The following TET1 variants were observed in gnomAD, a reference collection of about 807,000 sequenced individuals.
TET1 encodes methylcytosine dioxygenase TET1.
TET1 carries 13 observed loss-of-function variants against 148.7 expected under a neutral mutation model. That is an observed-to-expected ratio of 0.09 (90% CI 0.06 to 0.14). TET1 has a LOEUF of 0.14. Among genes scored for constraint, TET1 ranks in the 10% least tolerant of loss-of-function variants. TET1 has a pLI of 1.00. For synonymous variants in TET1, 907 were observed against 937.2 expected, an observed-to-expected ratio of 0.97 and a Z score of 0.59; for missense variants, 2,182 against 2,553.8, an observed-to-expected ratio of 0.85 and a Z score of 3.14.
chr10:68,603,098 T>C (rs976191775), intron 3 of TET1, among the ~76,000 whole-genome samples: 2 of 152,162 alleles, frequency 1.3e-5, no homozygotes, highest in African/African-American at 2.4e-5. Context: ...ACTTCAACAT[T>C]CTAGGAGCAT....
rs771275404 is a variant in TET1, at chr10:68,572,556, T to G, written c.218T>G (p.Leu73Arg). 1 of 1,614,088 alleles carries G rather than the reference T, an allele frequency of 6.2e-7. No individual in the cohort carries two copies. Among genetic ancestry groups the G allele is most frequent in the East Asian group, 2.2e-5 (1 of 44,882 alleles). Residue 73 changes from leucine to arginine, a missense_variant, in exon 2 of 12, where the codon CTT (leucine) becomes CGT (arginine). Coordinates refer to ENST00000373644, the MANE Select transcript of TET1 (RefSeq NM_030625.3). ...EPKPPVPVRS[L>R]LTRAGAARMN... is the part of the protein sequence containing the mutation. ...AAACCACCCGTGCCAGTCAGAAGCC[T>G]TCTGACAAGAGCTGGAGCAGCACGC...
chr10:68,625,737 A>T (rs1407197064), intron 3 of TET1, among the ~76,000 whole-genome samples: 2 of 152,136 alleles, frequency 1.3e-5, no homozygotes, highest in Non-Finnish European at 2.9e-5. Context: ...TGGAATTCAT[A>T]CTATTGAAGT....
chr10:68,618,841 G>A (rs1589081225), intron 3 of TET1, among the ~76,000 whole-genome samples: 1 of 152,102 alleles, frequency 6.6e-6, no homozygotes. Flanking sequence ...GGTAGCAAAT[G>A]GTGTCATCTC....
chr10:68,600,074 T>C (rs1302157357), intron 2 of TET1, among the ~76,000 whole-genome samples: 1 of 152,194 alleles, frequency 6.6e-6, no homozygotes, highest in African/African-American at 2.4e-5. Flanking sequence ...TCCTGAGGAA[T>C]GAGACACGCA....
At chr10:68,681,880 A>G (rs2055438535) in intron 9 of TET1, among the ~76,000 whole-genome samples, 1 of 150,898 alleles carries the variant, frequency 6.6e-6, no homozygotes, top group South Asian at 2.1e-4. Context: ...AGGCAGGAGA[A>G]TCACTTGAAC....
In TET1 at chr10:68,606,638, C is replaced by T. The variant is rs1164771609; in HGVS notation, c.1968+5604C>T. Among the ~76,000 whole-genome samples the T allele has an allele frequency of 2.6e-5, 4 of 151,572 alleles. No homozygotes were observed. In the East Asian group the frequency reaches 5.8e-4, roughly 22 times the overall value. On this transcript the variant is annotated intron_variant, in intron 3 of 11. Transcript: ENST00000373644. ...AAAAACACATGTCATTTTGATAGGT[C>T]CTTATAGTCCCAGGCAACTAATCCC...
rs112755860 is a variant in TET1, at chr10:68,664,221, C to A, written c.4462-2824C>A. Among the ~76,000 whole-genome samples the A allele has an allele frequency of 2.4e-3, 360 of 152,022 alleles. 3 individuals carry two copies. Among genetic ancestry groups the A allele is most frequent in the African/African-American group, 8.4e-3 (349 of 41,452 alleles). On this transcript the variant is annotated intron_variant, in intron 6 of 11. Coordinates refer to ENST00000373644, the MANE Select transcript of TET1 (RefSeq NM_030625.3). ...TATGCTCATCATCTATTTTCATATT[C>A]TCTATTGTGAAGTGCCTATTCAATT...
At chr10:68,686,287 G>A in intron 10 of TET1, 69 bp from the exon 11 acceptor site, 1 of 1,336,954 alleles carries the variant, frequency 7.5e-7, no homozygotes, top group Non-Finnish European at 1.0e-6. Flanking sequence ...CAACACGAAG[G>A]TAGGAATAGC....
chr10:68,649,936 G>A (rs1194682154), intron 4 of TET1, among the ~76,000 whole-genome samples: 1 of 152,076 alleles, frequency 6.6e-6, no homozygotes, highest in East Asian at 1.9e-4. Flanking sequence ...GTAGAAAAAG[G>A]CACTTAAAGA....
intron 1 of TET1, among the ~76,000 whole-genome samples, chr10:68,564,106 A>G (rs926892832): frequency 6.6e-6 from 1 of 151,484 alleles, no homozygotes; most frequent in Non-Finnish European, 1.5e-5. Flanking sequence ...CATACTCTGT[A>G]GTTCCCTTGT....
At chr10:68,647,355 A>G (rs1198425151) in intron 4 of TET1, among the ~76,000 whole-genome samples, 1 of 152,188 alleles carries the variant, frequency 6.6e-6, no homozygotes, top group Non-Finnish European at 1.5e-5. Flanking sequence ...TGTAATCCCA[A>G]CATTTTGGGA....
At chr10:68,593,983 T>C (rs1157086238) in intron 2 of TET1, among the ~76,000 whole-genome samples, 1 of 138,592 alleles carries the variant, frequency 7.2e-6, no homozygotes, top group Non-Finnish European at 1.5e-5. Flanking sequence ...TGGAATGCAG[T>C]TGCAAGATCC....
chr10:68,595,975 CACATAT>C (rs1564958911), intron 2 of TET1, among the ~76,000 whole-genome samples: 2 of 45,782 alleles, frequency 4.4e-5, no homozygotes, highest in Admixed American at 2.8e-4. Context: ...CACACACACA[CACATAT>C]ATACACACAC....
At chr10:68,597,030 A>ATTTCTTTGTTTTTTTTTTTTTTTTTTT (rs2053996251) in intron 2 of TET1, among the ~76,000 whole-genome samples, 1 of 98,894 alleles carries the variant, frequency 1.0e-5, no homozygotes, top group Non-Finnish European at 1.9e-5. Context: ...CAGCTAATGG[A>ATTTCTTTGTTTTTTTTTTTTTTTTTTT]TTTTTTTTTT....
chr10:68,567,481 A>G (rs1330072651), intron 1 of TET1, among the ~76,000 whole-genome samples: 1 of 151,990 alleles, frequency 6.6e-6, no homozygotes, highest in Non-Finnish European at 1.5e-5. Context: ...TTTAGTAGAG[A>G]CAGGGTTTCT....
intron 7 of TET1, 139 bp from the exon 8 acceptor site, chr10:68,672,756 T>G: frequency 1.7e-6 from 1 of 577,292 alleles, no homozygotes; most frequent in Non-Finnish European, 2.7e-6. Flanking sequence ...TAAACTATTT[T>G]AAATAAGTAA....
At chr10:68,631,218 T>C (rs1051062912) in intron 3 of TET1, among the ~76,000 whole-genome samples, 3 of 152,160 alleles carry the variant, frequency 2.0e-5, no homozygotes, top group African/African-American at 7.2e-5. Flanking sequence ...AAAACAAAGA[T>C]GATTCTGGCA....
chr10:68,586,002 CAAAAAAAAAA>C (rs36101307), intron 2 of TET1, among the ~76,000 whole-genome samples: 1 of 132,222 alleles, frequency 7.6e-6, no homozygotes, highest in South Asian at 2.4e-4. Flanking sequence ...GACTCCATCT[CAAAAAAAAAA>C]AAAAAAAATT....
At chr10:68,676,259 TA>T (rs2055355319) in intron 8 of TET1, among the ~76,000 whole-genome samples, 37 of 14,498 alleles carry the variant, frequency 2.6e-3, no homozygotes, top group African/African-American at 9.6e-3. Flanking sequence ...TATATATATA[TA>T]TATATATATT....
Sources: allele counts gnomAD v4.1 joint callset (sites outside exome capture counted in the v4.1 genomes callset), GRCh38; gene constraint gnomAD v4.1.1; transcripts MANE v1.5; gene names NCBI Gene and HGNC (gene_info 2026-07-23, HGNC 2026-07-21).